Variants in NCAPH2 observed in about 807,000 individuals in gnomAD.
NCAPH2 encodes condensin-2 complex subunit H2.
NCAPH2 carries 56 observed loss-of-function variants against 88.6 expected under a neutral mutation model. The ratio of observed to expected loss-of-function variants is 0.63; its 90% CI spans 0.51 to 0.79. The LOEUF is 0.79. Ranked by LOEUF, NCAPH2 falls within the 30% of genes least tolerant of loss-of-function variation. NCAPH2 has a pLI of 0.00. For synonymous variants in NCAPH2, 378 were observed against 313.6 expected (o/e 1.21, Z -2.17); for missense variants, 794 against 792.0 (o/e 1.00, Z -0.03).
chr22:50,515,912 A>G (rs2068908428), intron 1 of NCAPH2: 5 of 726,866 alleles, frequency 6.9e-6, no homozygotes, highest in Non-Finnish European at 9.8e-6. Context: ...CAGCTTGGGC[A>G]TGGGATGAAG....
rs751473601 is a variant in NCAPH2 at position 50,523,769 on chromosome 22, C to T, written c.*394C>T. ...TCCACGATGTAGTCCTGGTCCTCAT[C>T]CTTGGGGCCTGCATTGTAGTACACG... On this transcript the variant is annotated 3_prime_UTR_variant, in exon 20 of 20. Coordinates refer to ENST00000420993, the MANE Select transcript of NCAPH2 (RefSeq NM_152299.4). The T allele has an allele frequency of 2.1e-5, 34 of 1,614,048 alleles. No homozygotes were observed. Among genetic ancestry groups the T allele is most frequent in the Non-Finnish European group, 2.8e-5 (33 of 1,180,034 alleles).
intron 1 of NCAPH2, among the ~76,000 whole-genome samples, chr22:50,516,170 G>T (rs1156706188): frequency 6.6e-6 from 1 of 152,196 alleles, no homozygotes; most frequent in Non-Finnish European, 1.5e-5. Context: ...CTGGCGCCTT[G>T]TGGAGGGAGC....
intron 1 of NCAPH2, 69 bp from the exon 2 acceptor site, chr22:50,516,378 G>C: frequency 6.8e-7 from 1 of 1,469,916 alleles, no homozygotes; most frequent in Non-Finnish European, 9.5e-7. Context: ...AGATGGGTGG[G>C]GCTGCCCTGG....
chr22:50,513,244 C>T (rs553187622), intron 1 of NCAPH2, among the ~76,000 whole-genome samples: 16 of 152,360 alleles, frequency 1.1e-4, no homozygotes, highest in African/African-American at 2.6e-4. Context: ...GATGGCCAGG[C>T]GAGGTGGCTA....
intron 1 of NCAPH2, among the ~76,000 whole-genome samples, chr22:50,515,936 G>A (rs537017482): frequency 1.0e-3 from 154 of 152,202 alleles, no homozygotes; most frequent in Non-Finnish European, 1.9e-3. Context: ...TGTGCATGGC[G>A]GGGGGTGGAG....
intron 1 of NCAPH2, among the ~76,000 whole-genome samples, chr22:50,514,700 G>A (rs368465761): frequency 6.6e-6 from 1 of 152,150 alleles, no homozygotes; most frequent in Non-Finnish European, 1.5e-5. Context: ...TTCAGGTCCT[G>A]AACACCCCCG....
chr22:50,521,119 C>G (rs1983937257), intron 10 of NCAPH2, 83 bp downstream of exon 10: 2 of 1,468,488 alleles, frequency 1.4e-6, no homozygotes, highest in African/African-American at 1.4e-5. Flanking sequence ...TGCTCTTGCT[C>G]CTGCTGGCCT....
intron 9 of NCAPH2, 169 bp from the exon 10 acceptor site, chr22:50,520,796 C>T (rs553994612): frequency 4.4e-5 from 29 of 664,668 alleles, no homozygotes; most frequent in Non-Finnish European, 6.2e-5. Context: ...CTCTTGACCT[C>T]GGGTGATCTG....
Position 50,523,817 on chromosome 22 carries a change from C to A in NCAPH2, c.*442C>A. 6.2e-7 allele frequency: 1 copy of A among 1,614,122 alleles called. No individual in the cohort carries two copies. The highest frequency in any genetic ancestry group is 8.5e-7 in the Non-Finnish European group (1 of 1,180,038). ...ACGCGGTAACTGTGACTAGCCTGGG[C>A]AACCTGTTTGGTGGAGCCGGTCAGA... is the stretch of plus-strand genomic sequence containing the variant. On this transcript the variant is annotated 3_prime_UTR_variant, in exon 20 of 20. Transcript: ENST00000420993.
Position 50,522,736 on chromosome 22 carries a change from A to G in NCAPH2, c.1425+16A>G, listed in dbSNP as rs1445840279. 5 of 1,609,630 alleles carry G rather than the reference A, an allele frequency of 3.1e-6. No individual in the cohort carries two copies. The highest frequency in any genetic ancestry group is 2.7e-5 in the African/African-American group (2 of 74,672). ...AAGGAATGTGGTAGGCCTGGGTTAG[A>G]GGGAGACGGGGAGGGGAGGGGGACA... On this transcript the variant is annotated intron_variant, in intron 17 of 19. Transcript: ENST00000420993.
At chr22:50,518,372 T>G in intron 7 of NCAPH2, 94 bp downstream of exon 7, 1 of 1,518,892 alleles carries the variant, frequency 6.6e-7, no homozygotes. Context: ...ACCTCTGGTC[T>G]TGGGAGCTCC....
Position 50,523,932 on chromosome 22 carries a change from C to T in NCAPH2, c.*557C>T, listed in dbSNP as rs751976293. 2.2e-5 allele frequency: 35 copies of T among 1,612,748 alleles called. 1 individual carries two copies. The South Asian group carries it at 3.2e-4, about 15-fold the overall frequency. On this transcript the variant is annotated 3_prime_UTR_variant, in exon 20 of 20. Coordinates refer to ENST00000420993, the MANE Select transcript of NCAPH2 (RefSeq NM_152299.4). ...GGTCCACAGTGATGAAGACAGGCTG[C>T]ACTGGAGGCAAACCAGGCTCTGCTT...
chr22:50,510,609 G>A (rs2068756952), intron 1 of NCAPH2, among the ~76,000 whole-genome samples: 1 of 151,378 alleles, frequency 6.6e-6, no homozygotes, highest in African/African-American at 2.4e-5. Context: ...TGTATTTTTA[G>A]TAGAGATGGG....
At chr22:50,520,755 G>A (rs1190789970) in intron 9 of NCAPH2, 1 of 539,142 alleles carries the variant, frequency 1.9e-6, no homozygotes, top group Non-Finnish European at 3.3e-6. Context: ...AGAGGCGGGG[G>A]TTTCACCATG....
At chr22:50,510,471 G>A (rs2068753897) in intron 1 of NCAPH2, among the ~76,000 whole-genome samples, 3 of 151,450 alleles carry the variant, frequency 2.0e-5, no homozygotes, top group Non-Finnish European at 2.9e-5. Context: ...TCTGTTGCCC[G>A]GGCTGGAGTA....
Position 50,524,471 on chromosome 22 carries a change from C to G in NCAPH2, c.*1096C>G. On this transcript the variant is annotated 3_prime_UTR_variant, in exon 20 of 20. Coordinates refer to ENST00000420993, the MANE Select transcript of NCAPH2 (RefSeq NM_152299.4). ...AGGAGCCAGAAGGGAAGGCCCAGGACAGTGCCTGGGCTGCCCCTGCGACTT... is the reference window on the plus strand; with the variant it reads ...AGGAGCCAGAAGGGAAGGCCCAGGAGAGTGCCTGGGCTGCCCCTGCGACTT... 1 of 1,556,046 alleles carries G rather than the reference C, an allele frequency of 6.4e-7. No homozygotes were observed. The highest frequency in any genetic ancestry group is 1.7e-5 in the Admixed American group (1 of 57,610).
chr22:50,518,266 G>T lies in NCAPH2; in HGVS notation c.634G>T (p.Gly212Trp). ...MEPAGVSPMP[G>W]TQKDTGRTEE... ...ACCAGCGGGCGTTTCCCCCATGCCAGGGACCCAGAAGGGTGAGGGCTTGGA... is the reference window on the plus strand; with the variant it reads ...ACCAGCGGGCGTTTCCCCCATGCCATGGACCCAGAAGGGTGAGGGCTTGGA... Residue 212 changes from glycine (G) to tryptophan (W), a missense_variant, in exon 7 of 20, where the codon GGG (glycine) becomes TGG (tryptophan). Coordinates refer to ENST00000420993, the MANE Select transcript of NCAPH2 (RefSeq NM_152299.4). The T allele has an allele frequency of 6.2e-7, 1 of 1,613,168 alleles. No homozygotes were observed. Among genetic ancestry groups the T allele is most frequent in the South Asian group, 1.1e-5 (1 of 91,032 alleles).
At chr22:50,521,962 G>A in intron 12 of NCAPH2, 24 bp from the exon 13 acceptor site, 1 of 1,613,892 alleles carries the variant, frequency 6.2e-7, no homozygotes. Context: ...TGGCCTGGCT[G>A]GTGCTGAGCA....
intron 4 of NCAPH2, 27 bp from the exon 5 acceptor site, chr22:50,517,714 G>A (rs369000915): frequency 6.4e-5 from 104 of 1,613,904 alleles, no homozygotes; most frequent in East Asian, 1.3e-4. Flanking sequence ...CCTGGGCTCC[G>A]CCCCCACGAG....
Sources: gnomAD v4.1 joint callset for allele counts (sites outside exome capture counted in the v4.1 genomes callset) on GRCh38, gnomAD v4.1.1 for gene constraint, MANE v1.5 for transcripts, NCBI Gene and HGNC (gene_info 2026-07-23, HGNC 2026-07-21) for gene names.